DNAJC12: variants seen among roughly 807,000 people sequenced by gnomAD.
DNAJC12 encodes the protein dnaJ homolog subfamily C member 12.
Under a neutral mutation model 28.5 loss-of-function variants are expected in DNAJC12, and 25 were observed. The ratio of observed to expected loss-of-function variants is 0.88; its 90% CI spans 0.64 to 1.22. DNAJC12 has a LOEUF of 1.22. Ranked by LOEUF, DNAJC12 falls within the 50% of genes most tolerant of loss-of-function variation. The probability of loss-of-function intolerance (pLI) is 0.00; values close to 1 mark genes in which losing one functional copy is unlikely to be tolerated. For synonymous variants in DNAJC12, 77 were observed against 80.6 expected, an observed-to-expected ratio of 0.95 and a Z score of 0.24; for missense variants, 222 against 231.7, an observed-to-expected ratio of 0.96 and a Z score of 0.27.
At chr10:67,835,652 T>C (rs1190474017) in intron 1 of DNAJC12, among the ~76,000 whole-genome samples, 3 of 149,416 alleles carry the variant, frequency 2.0e-5, no homozygotes, top group Admixed American at 6.7e-5. Context: ...ATTGCACCAC[T>C]GCACTCCAGC....
chr10:67,821,968 T>C (rs1488282461), intron 2 of DNAJC12, among the ~76,000 whole-genome samples: 1 of 152,092 alleles, frequency 6.6e-6, no homozygotes, highest in Non-Finnish European at 1.5e-5. Context: ...GAGGAGGTGA[T>C]AGGAAAATAA....
chr10:67,802,949 A>T (rs9804226), intron 4 of DNAJC12, among the ~76,000 whole-genome samples: 1 of 144,638 alleles, frequency 6.9e-6, no homozygotes, highest in African/African-American at 2.5e-5. Context: ...ATCCCCCCCC[A>T]CACACACACC....
intron 2 of DNAJC12, 99 bp downstream of exon 2, chr10:67,823,215 T>C: frequency 1.0e-6 from 1 of 964,300 alleles, no homozygotes; most frequent in Non-Finnish European, 1.6e-6. Flanking sequence ...TTGAGCATAA[T>C]AGACAAGAGA....
At chr10:67,832,772 C>T (rs1332719861) in intron 1 of DNAJC12, among the ~76,000 whole-genome samples, 2 of 152,278 alleles carry the variant, frequency 1.3e-5, no homozygotes, top group African/African-American at 4.8e-5. Flanking sequence ...AAAGTACCTT[C>T]CCCAAGATAT....
chr10:67,826,676 TATAAG>T (rs1351031964), intron 1 of DNAJC12, among the ~76,000 whole-genome samples: 3 of 129,062 alleles, frequency 2.3e-5, no homozygotes, highest in Non-Finnish European at 3.1e-5. Context: ...TATCATTATA[TATAAG>T]ATATCTAATG....
At chr10:67,802,072 CAAGCTGGTCTCG>C (rs1455701558) in intron 4 of DNAJC12, among the ~76,000 whole-genome samples, 1 of 151,768 alleles carries the variant, frequency 6.6e-6, no homozygotes, top group Non-Finnish European at 1.5e-5. Context: ...CTATGTTGCT[CAAGCTGGTCTCG>C]AACTCCTGGA....
intron 1 of DNAJC12, among the ~76,000 whole-genome samples, chr10:67,832,874 G>A (rs1414890972): frequency 6.6e-6 from 1 of 152,132 alleles, no homozygotes; most frequent in East Asian, 1.9e-4. Flanking sequence ...AGTGCTCAAG[G>A]TCAATAAAGC....
At chr10:67,797,256 G>T (rs1841683278) in intron 4 of DNAJC12, 46 bp from the exon 5 acceptor site, 1 of 1,527,696 alleles carries the variant, frequency 6.5e-7, no homozygotes, top group Non-Finnish European at 9.0e-7. Flanking sequence ...AGTAGGAAAA[G>T]TCGATCTTGT....
intron 4 of DNAJC12, 139 bp downstream of exon 4, chr10:67,805,444 A>G: frequency 1.1e-6 from 1 of 886,356 alleles, no homozygotes; most frequent in South Asian, 1.9e-5. Flanking sequence ...TGTCAATGCT[A>G]AGTGTCTTTT....
intron 3 of DNAJC12, among the ~76,000 whole-genome samples, chr10:67,807,942 C>T (rs915801260): frequency 2.0e-5 from 3 of 152,178 alleles, no homozygotes; most frequent in African/African-American, 7.2e-5. Flanking sequence ...AAGAAATATA[C>T]AGAAGAAATA....
intron 4 of DNAJC12, among the ~76,000 whole-genome samples, chr10:67,804,208 G>A (rs775271179): frequency 6.6e-6 from 1 of 151,884 alleles, no homozygotes; most frequent in Non-Finnish European, 1.5e-5. Flanking sequence ...AAACTAGTTG[G>A]ATGGCTAGAT....
chr10:67,809,961 T>C (rs1812870252), intron 3 of DNAJC12, among the ~76,000 whole-genome samples: 1 of 152,130 alleles, frequency 6.6e-6, no homozygotes, highest in Non-Finnish European at 1.5e-5. Flanking sequence ...CATCCATGTG[T>C]CTAAAAACCA....
intron 1 of DNAJC12, among the ~76,000 whole-genome samples, chr10:67,836,197 G>A (rs989971596): frequency 1.8e-4 from 27 of 151,920 alleles, no homozygotes; most frequent in South Asian, 8.3e-4. Flanking sequence ...GGGGCCTGTC[G>A]GGGGGTGGGG....
At chr10:67,800,089 G>A (rs1841725886) in intron 4 of DNAJC12, among the ~76,000 whole-genome samples, 1 of 151,458 alleles carries the variant, frequency 6.6e-6, no homozygotes, top group Admixed American at 6.6e-5. Flanking sequence ...CGGATGTGGT[G>A]GTGCACACCT....
chr10:67,833,703 T>C (rs1842116216), intron 1 of DNAJC12: 1 of 362,084 alleles, frequency 2.8e-6, no homozygotes, highest in South Asian at 2.2e-5. Context: ...TTTTGGGCCA[T>C]GATCTCTGGG....
At chr10:67,831,059 G>A (rs1012535614) in intron 1 of DNAJC12, among the ~76,000 whole-genome samples, 3 of 152,046 alleles carry the variant, frequency 2.0e-5, no homozygotes, top group East Asian at 1.9e-4. Flanking sequence ...GTGGTAGCAC[G>A]TGCCTGTAGT....
At chr10:67,803,193 T>C (rs9804180) in intron 4 of DNAJC12, among the ~76,000 whole-genome samples, 25,836 of 151,960 alleles carry the variant, frequency 0.17, 2,387 homozygotes, top group African/African-American at 0.25. Flanking sequence ...GACACTAATA[T>C]TTTGACCATT....
rs148159404 is a variant in DNAJC12, at chr10:67,798,247, A to G, written c.503-1037T>C. Among the ~76,000 whole-genome samples, 404 of 152,208 alleles carry G rather than the reference A, an allele frequency of 2.7e-3. 6 individuals are homozygous for G. The South Asian group carries it at 0.032, about 12-fold the overall frequency. On this transcript the variant is annotated intron_variant, in intron 4 of 4. Coordinates refer to ENST00000225171, the MANE Select transcript of DNAJC12 (RefSeq NM_021800.3). ...TTAAAAGGTTTTGATATCGTCATTA[A>G]CAATATCTTAATATTTACCATTATA...
chr10:67,799,736 C>T (rs915286059), intron 4 of DNAJC12, among the ~76,000 whole-genome samples: 3 of 151,730 alleles, frequency 2.0e-5, no homozygotes, highest in South Asian at 2.1e-4. Context: ...TACAAAAATT[C>T]GCTGGGCGTG....
Sources: allele counts gnomAD v4.1 joint callset (sites outside exome capture counted in the v4.1 genomes callset), GRCh38; gene constraint gnomAD v4.1.1; transcripts MANE v1.5; gene names NCBI Gene and HGNC (gene_info 2026-07-23, HGNC 2026-07-21).